The following DYNC2I1 variants were observed in gnomAD, a reference collection of about 807,000 sequenced individuals.
DYNC2I1 encodes cytoplasmic dynein 2 intermediate chain 1.
DYNC2I1 carries 89 observed loss-of-function variants against 133.4 expected under a neutral mutation model. The observed-to-expected ratio is 0.67, with a 90% confidence interval of 0.56 to 0.80. The LOEUF (loss-of-function observed/expected upper bound fraction) is 0.80. Ranked by LOEUF, DYNC2I1 falls within the 30% of genes least tolerant of loss-of-function variation. The pLI is 0.00. For missense variants in DYNC2I1, 1,291 were observed against 1,314.5 expected (o/e 0.98, Z 0.28); for synonymous variants, 504 against 484.3 (o/e 1.04, Z -0.54).
intron 24 of DYNC2I1, among the ~76,000 whole-genome samples, chr7:158,944,367 GGT>G (rs1371227229): frequency 6.6e-6 from 1 of 152,108 alleles, no homozygotes. Flanking sequence ...ATCTGCCGTA[GGT>G]GTAGTTTTAA....
upstream of DYNC2I1, among the ~76,000 whole-genome samples, chr7:158,855,101 G>C (rs573418107): frequency 2.0e-4 from 31 of 152,250 alleles, no homozygotes; most frequent in Non-Finnish European, 4.1e-4. Flanking sequence ...ATCGAGATGG[G>C]GGAATTGCAA....
chr7:158,926,099 A>G (rs1218350342), intron 17 of DYNC2I1, 88 bp from the exon 18 acceptor site: 5 of 1,007,034 alleles, frequency 5.0e-6, no homozygotes, highest in East Asian at 2.6e-5. Context: ...GAGACCCAGA[A>G]GCACCTCGTG....
chr7:158,924,643 T>C (rs1299420056), intron 17 of DYNC2I1, among the ~76,000 whole-genome samples: 1 of 152,240 alleles, frequency 6.6e-6, no homozygotes, highest in Non-Finnish European at 1.5e-5. Context: ...AAATAATCTT[T>C]GCCTTTTCTA....
intron 1 of DYNC2I1, among the ~76,000 whole-genome samples, chr7:158,860,553 A>G (rs1412720565): frequency 6.6e-6 from 1 of 152,260 alleles, no homozygotes; most frequent in Non-Finnish European, 1.5e-5. Context: ...ACCTGCCTGC[A>G]TGGTGACAAT....
rs537104652 is a variant in DYNC2I1, at chr7:158,938,741, G to T, written c.2779-3184G>T. Among the ~76,000 whole-genome samples, 69 of 152,098 alleles carry T rather than the reference G, an allele frequency of 4.5e-4. 1 individual carries two copies. The South Asian group carries it at 0.014, about 31-fold the overall frequency. On this transcript the variant is annotated intron_variant, in intron 23 of 24. Coordinates refer to ENST00000407559, the MANE Select transcript of DYNC2I1 (RefSeq NM_018051.5). Reference sequence around the variant, plus strand: ...ACCGCACTCCAGTCTGGGTGACAGAGTGAAACTCCATCTCAACAACAACAA... The same window carrying T: ...ACCGCACTCCAGTCTGGGTGACAGATTGAAACTCCATCTCAACAACAACAA...
At chr7:158,952,641 G>A (rs1283152838) in intron 4 of DYNC2I1, among the ~76,000 whole-genome samples, 6 of 151,908 alleles carry the variant, frequency 3.9e-5, no homozygotes, top group South Asian at 2.1e-4. Flanking sequence ...ACCCCCAGCC[G>A]CATCATAAGA....
At chr7:158,879,590 T>A in intron 4 of DYNC2I1, 94 bp from the exon 5 acceptor site, 1 of 1,354,448 alleles carries the variant, frequency 7.4e-7, no homozygotes, top group Non-Finnish European at 9.9e-7. Flanking sequence ...CCGTGGTTGG[T>A]TGGATCCGTC....
chr7:158,883,342 C>T (rs1447365941), intron 5 of DYNC2I1, among the ~76,000 whole-genome samples: 9 of 151,242 alleles, frequency 6.0e-5, no homozygotes, highest in African/African-American at 2.2e-4. Context: ...CTCAGCCTCC[C>T]GAGTGGCTGG....
At chr7:158,923,460 A>G in intron 16 of DYNC2I1, 111 bp from the exon 17 acceptor site, 1 of 1,426,930 alleles carries the variant, frequency 7.0e-7, no homozygotes, top group Non-Finnish European at 9.8e-7. Context: ...CCTGCAGGTG[A>G]CTCCCGTGCA....
the DYNC2I1 span, among the ~76,000 whole-genome samples, chr7:158,840,498 C>T: frequency 2.0e-5 from 3 of 152,122 alleles, no homozygotes; most frequent in Non-Finnish European, 4.4e-5. Context: ...ACCCAGGAGG[C>T]GGAGGTTGCA....
Position 158,922,409 on chromosome 7 carries a change from G to A in DYNC2I1, c.1954G>A (p.Val652Ile), listed in dbSNP as rs1849190675. 1.2e-6 allele frequency: 2 copies of A among 1,613,866 alleles called. No individual in the cohort carries two copies. Among genetic ancestry groups the A allele is most frequent in the African/African-American group, 2.7e-5 (2 of 74,904 alleles). The change falls in exon 16 of 25, where the codon GTT (valine) becomes ATT (isoleucine). Residue 652 changes from valine to isoleucine, a missense_variant. By Grantham distance (29) the Val-to-Ile change is conservative (BLOSUM62 3). Coordinates refer to ENST00000407559, the MANE Select transcript of DYNC2I1 (RefSeq NM_018051.5). ...RKVSSLHTSR[V>I]QRQMVVSVHD... Reference sequence around the variant, plus strand: ...AGTATCCTCCTTGCACACCTCCCGAGTTCAGAGGCAGATGGTGGTCTCCGT... The same window carrying A: ...AGTATCCTCCTTGCACACCTCCCGAATTCAGAGGCAGATGGTGGTCTCCGT...
chr7:158,857,623 C>T (rs961225369), intron 1 of DYNC2I1, among the ~76,000 whole-genome samples: 2 of 149,856 alleles, frequency 1.3e-5, no homozygotes, highest in Admixed American at 1.3e-4. Flanking sequence ...CTGCAACCTC[C>T]GACTCCAGGG....
intron 16 of DYNC2I1, among the ~76,000 whole-genome samples, chr7:158,923,058 C>A (rs953281578): frequency 1.3e-5 from 2 of 152,162 alleles, no homozygotes; most frequent in Admixed American, 1.3e-4. Context: ...AGGCTGGCAC[C>A]GAGGCTTGAG....
chr7:158,865,145 C>G (rs969029492), intron 1 of DYNC2I1, among the ~76,000 whole-genome samples: 1 of 152,182 alleles, frequency 6.6e-6, no homozygotes, highest in Non-Finnish European at 1.5e-5. Flanking sequence ...TGAGTGTCCT[C>G]CCTGAAGTGA....
intron 1 of DYNC2I1, among the ~76,000 whole-genome samples, chr7:158,863,941 T>G (rs962525533): frequency 0.077 from 827 of 10,760 alleles, no homozygotes; most frequent in African/African-American, 0.091. Flanking sequence ...TGTGTGGGGG[T>G]GGGGAGCGGG....
At chr7:158,904,991 G>A (rs1381966223) in intron 10 of DYNC2I1, 1 of 287,782 alleles carries the variant, frequency 3.5e-6, no homozygotes, top group East Asian at 1.0e-4. Flanking sequence ...ATAAGATGCA[G>A]TAGAAATAAA....
the DYNC2I1 span, among the ~76,000 whole-genome samples, chr7:158,848,664 C>T: frequency 6.6e-6 from 1 of 152,178 alleles, no homozygotes; most frequent in East Asian, 1.9e-4. Context: ...GTGACTCACG[C>T]CTGTAATCCC....
chr7:158,898,741 A>G (rs1845964817), intron 8 of DYNC2I1, among the ~76,000 whole-genome samples: 1 of 151,570 alleles, frequency 6.6e-6, no homozygotes, highest in African/African-American at 2.4e-5. Context: ...ATTTGTTACT[A>G]TTTTTTATTT....
At chr7:158,890,307 C>T (rs988002047) in intron 7 of DYNC2I1, among the ~76,000 whole-genome samples, 1 of 151,848 alleles carries the variant, frequency 6.6e-6, no homozygotes, top group Admixed American at 6.6e-5. Flanking sequence ...GGATATTTTA[C>T]ATTCTTTTTT....
Sources: allele counts gnomAD v4.1 joint callset (sites outside exome capture counted in the v4.1 genomes callset), GRCh38; gene constraint gnomAD v4.1.1; transcripts MANE v1.5; gene names NCBI Gene and HGNC (gene_info 2026-07-23, HGNC 2026-07-21).